Variants in NOL4 observed in about 807,000 individuals in gnomAD.
NOL4 encodes nucleolar protein 4.
A neutral mutation model predicts 75.9 loss-of-function variants in NOL4; 17 were observed. The observed-to-expected ratio is 0.22, with a 90% CI of 0.15 to 0.34. The LOEUF (loss-of-function observed/expected upper bound fraction) is 0.34. Among genes scored for constraint, NOL4 ranks in the 10% least tolerant of loss-of-function variants. The probability of loss-of-function intolerance (pLI) is 1.00; values close to 1 mark genes in which losing one functional copy is unlikely to be tolerated. For missense variants in NOL4, 614 were observed against 793.5 expected (o/e 0.77, Z 2.72); for synonymous variants, 292 against 289.9 (o/e 1.01, Z -0.07).
chr18:34,179,453 T>G (rs889108229), intron 1 of NOL4, among the ~76,000 whole-genome samples: 2 of 151,386 alleles, frequency 1.3e-5, no homozygotes, highest in Admixed American at 6.6e-5. Context: ...GCAAAACAGA[T>G]ACATCTTTAG....
At chr18:33,981,307 G>T (rs2071938961) in intron 6 of NOL4, among the ~76,000 whole-genome samples, 1 of 145,552 alleles carries the variant, frequency 6.9e-6, no homozygotes, top group African/African-American at 2.5e-5. Flanking sequence ...AAAAAAAAAT[G>T]TCAAACACCA....
chr18:34,141,792 A>G (rs1438939540), intron 1 of NOL4, among the ~76,000 whole-genome samples: 2 of 152,226 alleles, frequency 1.3e-5, no homozygotes, highest in Non-Finnish European at 2.9e-5. Context: ...TCATGTCTAA[A>G]ACACCAAAAG....
chr18:34,051,494 T>A (rs1213983609), intron 5 of NOL4, among the ~76,000 whole-genome samples: 1 of 152,168 alleles, frequency 6.6e-6, no homozygotes, highest in Non-Finnish European at 1.5e-5. Flanking sequence ...TAGGATTATC[T>A]TTGACTGTGA....
intron 5 of NOL4, among the ~76,000 whole-genome samples, chr18:34,056,901 C>A (rs1050123238): frequency 6.6e-6 from 1 of 152,146 alleles, no homozygotes; most frequent in Non-Finnish European, 1.5e-5. Context: ...GCCAACATCA[C>A]TTTCTGTTAG....
intron 6 of NOL4, among the ~76,000 whole-genome samples, chr18:33,966,549 A>G (rs1180656659): frequency 2.0e-5 from 3 of 152,180 alleles, no homozygotes; most frequent in Admixed American, 2.0e-4. Flanking sequence ...AAAACCTTAA[A>G]GTCTCCAGCA....
intron 5 of NOL4, among the ~76,000 whole-genome samples, chr18:34,067,285 A>G (rs978955170): frequency 2.0e-5 from 3 of 152,206 alleles, no homozygotes; most frequent in African/African-American, 7.2e-5. Context: ...AGAACTCTGA[A>G]GTCAGTGTAT....
At chr18:34,216,877 C>T (rs1347314780) in intron 1 of NOL4, among the ~76,000 whole-genome samples, 1 of 151,928 alleles carries the variant, frequency 6.6e-6, no homozygotes, top group East Asian at 1.9e-4. Flanking sequence ...ATTAGCAATT[C>T]ATTAAATTTT....
At chr18:34,215,616 C>A (rs2036834309) in intron 1 of NOL4, among the ~76,000 whole-genome samples, 1 of 152,066 alleles carries the variant, frequency 6.6e-6, no homozygotes, top group South Asian at 2.1e-4. Context: ...AAAGATGTGT[C>A]AGCTCGGAGG....
chr18:33,976,865 G>A (rs2071525997), intron 6 of NOL4, among the ~76,000 whole-genome samples: 1 of 152,064 alleles, frequency 6.6e-6, no homozygotes, highest in South Asian at 2.1e-4. Flanking sequence ...TCAAAAGGAA[G>A]TAGTTTTATA....
In NOL4 at chr18:34,024,288, A is replaced by T. The variant is rs375270406; in HGVS notation, c.773-4687T>A. ...AGGTCAGATGCTCACAGGGTCCACA[A>T]AGATTTTATTGTTTTCCCCAAATTC... is the stretch of plus-strand genomic sequence containing the variant. On this transcript the variant is annotated intron_variant, in intron 5 of 10. Transcript: ENST00000261592. 5.2e-4 allele frequency among the ~76,000 whole-genome samples: 77 copies of T among 147,786 alleles called. 1 individual carries two copies. The South Asian group carries it at 6.8e-3, about 13-fold the overall frequency.
chr18:33,884,298 G>C (rs1277260974), intron 9 of NOL4, among the ~76,000 whole-genome samples: 1 of 151,026 alleles, frequency 6.6e-6, no homozygotes, highest in Non-Finnish European at 1.5e-5. Context: ...TTATTATTTT[G>C]TTTATAACAA....
At chr18:34,131,792 A>C (rs2080663566) in intron 1 of NOL4, among the ~76,000 whole-genome samples, 1 of 152,170 alleles carries the variant, frequency 6.6e-6, no homozygotes, top group African/African-American at 2.4e-5. Flanking sequence ...CAAGGCCCAG[A>C]TACTACTAAA....
chr18:34,068,909 G>A (rs1008204089), intron 5 of NOL4, among the ~76,000 whole-genome samples: 2 of 151,536 alleles, frequency 1.3e-5, no homozygotes, highest in African/African-American at 4.9e-5. Context: ...GAAAGAAAAG[G>A]GATTTATTAT....
chr18:34,068,601 T>A (rs1275489378), intron 5 of NOL4, among the ~76,000 whole-genome samples: 1 of 152,018 alleles, frequency 6.6e-6, no homozygotes, highest in African/African-American at 2.4e-5. Flanking sequence ...GGTTTCACCA[T>A]CTTGGCCAGG....
At chr18:34,197,110 CTT>C (rs2035388412) in intron 1 of NOL4, among the ~76,000 whole-genome samples, 1 of 150,422 alleles carries the variant, frequency 6.6e-6, no homozygotes, top group Non-Finnish European at 1.5e-5. Context: ...GGGTGCTAAA[CTT>C]ATATAGAAAT....
intron 5 of NOL4, among the ~76,000 whole-genome samples, chr18:34,075,118 T>C (rs1168431153): frequency 6.6e-6 from 1 of 152,216 alleles, no homozygotes; most frequent in Non-Finnish European, 1.5e-5. Flanking sequence ...GTATCCCTTA[T>C]TTGAAATGCT....
intron 9 of NOL4, among the ~76,000 whole-genome samples, chr18:33,928,699 A>T (rs911529847): frequency 2.6e-4 from 39 of 152,212 alleles, no homozygotes; most frequent in Middle Eastern, 3.4e-3. Flanking sequence ...AGTTTTTTTT[A>T]AAAAATGCAT....
At chr18:33,916,208 T>C (rs373715827) in intron 9 of NOL4, among the ~76,000 whole-genome samples, 13 of 152,282 alleles carry the variant, frequency 8.5e-5, no homozygotes, top group South Asian at 4.1e-4. Flanking sequence ...CAGTTTCCCA[T>C]CTTATTCCAA....
At chr18:34,145,426 AAAC>A in intron 1 of NOL4, among the ~76,000 whole-genome samples, 1 of 151,466 alleles carries the variant, frequency 6.6e-6, no homozygotes, top group Non-Finnish European at 1.5e-5. Flanking sequence ...CCTAATTTAT[AAAC>A]AACAAATAAA....
Sources: allele counts gnomAD v4.1 joint callset (sites outside exome capture counted in the v4.1 genomes callset), GRCh38; gene constraint gnomAD v4.1.1; transcripts MANE v1.5; gene names NCBI Gene and HGNC (gene_info 2026-07-23, HGNC 2026-07-21).